Variants in SPOCK1 observed in about 807,000 individuals in gnomAD.
SPOCK1 encodes the protein SPARC (osteonectin), cwcv and kazal like domains proteoglycan 1, also known as testican-1.
Under a neutral mutation model 55.3 loss-of-function variants are expected in SPOCK1, and 23 were observed. The observed-to-expected ratio is 0.42, with a 90% CI of 0.30 to 0.59. SPOCK1 has a LOEUF of 0.59. Ranked by LOEUF, SPOCK1 falls within the 20% of genes least tolerant of loss-of-function variation. SPOCK1 has a pLI of 0.22. For missense variants in SPOCK1, 499 were observed against 552.5 expected (o/e 0.90, Z 0.97); for synonymous variants, 226 against 221.0 (o/e 1.02, Z -0.20).
At position 137,126,240 on chromosome 5, in the gene SPOCK1, A is replaced by T. The variant is rs1194624149; in HGVS notation, c.348-13679T>A. On this transcript the variant is annotated intron_variant, in intron 4 of 10. Transcript: ENST00000394945. The stretch of plus-strand genomic sequence containing the variant: ...CTCTTGCTTTCACCCTTGCCATGTG[A>T]TGCTGCTCCTCTTTGCCTTCCACCA... 6.6e-5 allele frequency among the ~76,000 whole-genome samples: 10 copies of T among 152,258 alleles called. No homozygotes were observed. The South Asian group carries it at 2.1e-3, about 32-fold the overall frequency.
chr5:137,471,768 A>C (rs1435477655), intron 2 of SPOCK1, among the ~76,000 whole-genome samples: 1 of 152,156 alleles, frequency 6.6e-6, no homozygotes, highest in African/African-American at 2.4e-5. Flanking sequence ...CAGCAGCCAG[A>C]AAAGGAGCAT....
At chr5:137,003,115 A>G (rs528747215) in intron 6 of SPOCK1, among the ~76,000 whole-genome samples, 3 of 152,356 alleles carry the variant, frequency 2.0e-5, no homozygotes, top group East Asian at 1.9e-4. Context: ...ATATAAAATC[A>G]TAAGTTGGGG....
chr5:137,286,397 A>C (rs1169908629), intron 2 of SPOCK1, among the ~76,000 whole-genome samples: 2 of 152,324 alleles, frequency 1.3e-5, no homozygotes, highest in Admixed American at 1.3e-4. Context: ...CAGGGCTGCC[A>C]TGGATGGTTG....
chr5:137,290,404 T>C (rs1409447463), intron 2 of SPOCK1, among the ~76,000 whole-genome samples: 1 of 152,076 alleles, frequency 6.6e-6, no homozygotes, highest in African/African-American at 2.4e-5. Context: ...AAAACTAACA[T>C]ATGATGAAAA....
In SPOCK1 at chr5:137,124,316, T is replaced by G. The variant is rs1753740900; in HGVS notation, c.348-11755A>C. Among the ~76,000 whole-genome samples, 7 of 152,248 alleles carry G rather than the reference T, an allele frequency of 4.6e-5. No individual in the cohort carries two copies. In the South Asian group the frequency reaches 1.5e-3, roughly 32 times the overall value. On this transcript the variant is annotated intron_variant, in intron 4 of 10. Coordinates refer to ENST00000394945, the MANE Select transcript of SPOCK1 (RefSeq NM_004598.4). ...TGAGCAGCTCACCACCCAGCCCCTC[T>G]TCTCTGTGCTTCTCCCCAGGACATA...
rs1177111461 is a variant in SPOCK1, at chr5:136,976,853, T to C, written c.*1801A>G. 2 of 152,246 alleles carry C rather than the reference T, an allele frequency of 1.3e-5. No individual in the cohort carries two copies. The highest frequency in any genetic ancestry group is 2.9e-5 in the Non-Finnish European group (2 of 68,044). 9.4% of individuals were successfully genotyped at this position (152,246 alleles called of 1,614,324 possible). A position where few individuals can be genotyped will look rare whatever the true frequency, so the allele number is the denominator to read the frequency against. On this transcript the variant is annotated 3_prime_UTR_variant, in exon 11 of 11. Coordinates refer to ENST00000394945, the MANE Select transcript of SPOCK1 (RefSeq NM_004598.4). ...CAACTATAGGTATGATGCTACTGTATTCAGGCAATGCCGACTGGATTGGAA... is the reference window on the plus strand; with the variant it reads ...CAACTATAGGTATGATGCTACTGTACTCAGGCAATGCCGACTGGATTGGAA...
At chr5:137,448,134 G>A (rs1753168695) in intron 2 of SPOCK1, among the ~76,000 whole-genome samples, 1 of 152,150 alleles carries the variant, frequency 6.6e-6, no homozygotes, top group Non-Finnish European at 1.5e-5. Context: ...TGTAATCCCA[G>A]CTACTCAGGA....
chr5:137,247,363 C>G (rs1009536904), intron 3 of SPOCK1, among the ~76,000 whole-genome samples: 1 of 152,004 alleles, frequency 6.6e-6, no homozygotes, highest in Non-Finnish European at 1.5e-5. Context: ...TTTAGACTCC[C>G]CCTTGATTCA....
intron 3 of SPOCK1, among the ~76,000 whole-genome samples, chr5:137,239,471 G>A (rs1756242615): frequency 6.6e-6 from 1 of 152,164 alleles, no homozygotes; most frequent in Admixed American, 6.5e-5. Flanking sequence ...GAGACGGGAG[G>A]TGTGGGAACT....
intron 2 of SPOCK1, among the ~76,000 whole-genome samples, chr5:137,419,304 G>C (rs1179586929): frequency 6.6e-6 from 1 of 152,104 alleles, no homozygotes; most frequent in African/African-American, 2.4e-5. Flanking sequence ...GGTTCCATAT[G>C]AACTTTAAAG....
intron 2 of SPOCK1, among the ~76,000 whole-genome samples, chr5:137,345,491 A>G (rs1750537031): frequency 1.3e-5 from 2 of 152,192 alleles, no homozygotes; most frequent in South Asian, 4.1e-4. Context: ...TGCTCTATCC[A>G]AGAATCACCT....
At chr5:137,015,777 G>C (rs1751438923) in intron 6 of SPOCK1, among the ~76,000 whole-genome samples, 1 of 152,202 alleles carries the variant, frequency 6.6e-6, no homozygotes, top group Admixed American at 6.5e-5. Flanking sequence ...AGACATGTCT[G>C]TGGCCTGCCC....
intron 3 of SPOCK1, among the ~76,000 whole-genome samples, chr5:137,149,992 G>A (rs1754286331): frequency 6.6e-6 from 1 of 152,138 alleles, no homozygotes; most frequent in Non-Finnish European, 1.5e-5. Flanking sequence ...ACAGGGCCTG[G>A]CGCACAGTTC....
At chr5:137,032,570 G>T (rs569114442) in intron 6 of SPOCK1, among the ~76,000 whole-genome samples, 19 of 152,286 alleles carry the variant, frequency 1.2e-4, no homozygotes, top group South Asian at 4.2e-4. Flanking sequence ...GAATAGAAGT[G>T]TGGGCTCCTG....
At chr5:137,476,087 T>C (rs1753832739) in intron 2 of SPOCK1, among the ~76,000 whole-genome samples, 2 of 151,920 alleles carry the variant, frequency 1.3e-5, no homozygotes, top group Non-Finnish European at 2.9e-5. Context: ...GTTTGTCATA[T>C]AGGTAAACTC....
chr5:137,302,762 C>T (rs372984301), intron 2 of SPOCK1, among the ~76,000 whole-genome samples: 3 of 152,104 alleles, frequency 2.0e-5, no homozygotes, highest in African/African-American at 7.2e-5. Context: ...TTGAACTCTG[C>T]ATCCACGAGG....
intron 2 of SPOCK1, among the ~76,000 whole-genome samples, chr5:137,326,433 A>G (rs1758078769): frequency 6.6e-6 from 1 of 152,252 alleles, no homozygotes; most frequent in South Asian, 2.1e-4. Flanking sequence ...CCAGGGGCAC[A>G]GAAGAGATTG....
chr5:137,010,966 A>G (rs969379588), intron 6 of SPOCK1, among the ~76,000 whole-genome samples: 1 of 152,140 alleles, frequency 6.6e-6, no homozygotes, highest in African/African-American at 2.4e-5. Context: ...CTTGTTTTGC[A>G]CTGGCTTCTC....
intron 6 of SPOCK1, among the ~76,000 whole-genome samples, chr5:136,998,529 A>G (rs779963075): frequency 6.6e-6 from 1 of 152,226 alleles, no homozygotes; most frequent in African/African-American, 2.4e-5. Flanking sequence ...CTTCCTGGAT[A>G]TATTGGTCTT....
Sources: gnomAD v4.1 joint callset for allele counts (sites outside exome capture counted in the v4.1 genomes callset) on GRCh38, gnomAD v4.1.1 for gene constraint, MANE v1.5 for transcripts, NCBI Gene and HGNC (gene_info 2026-07-23, HGNC 2026-07-21) for gene names.